The following CHSY3 variants were observed in gnomAD, a reference collection of about 807,000 sequenced individuals.
CHSY3 encodes the protein N-acetylgalactosaminyl-proteoglycan 3-beta-glucuronosyltransferase 3.
Under a neutral mutation model 67.2 loss-of-function variants are expected in CHSY3, and 35 were observed. That is an observed-to-expected ratio of 0.52 (90% CI 0.40 to 0.69). The LOEUF (loss-of-function observed/expected upper bound fraction) is 0.69, where lower values mean the gene tolerates loss of function less well. Ranked by LOEUF, CHSY3 falls within the 30% of genes least tolerant of loss-of-function variation. CHSY3 has a pLI of 0.00. For synonymous variants in CHSY3, 474 were observed against 434.7 expected, an observed-to-expected ratio of 1.09 and a Z score of -1.12; for missense variants, 1,069 against 1,138.5, an observed-to-expected ratio of 0.94 and a Z score of 0.88.
chr5:129,978,816 A>G (rs1580606818), intron 2 of CHSY3, among the ~76,000 whole-genome samples: 1 of 152,298 alleles, frequency 6.6e-6, no homozygotes, highest in East Asian at 1.9e-4. Context: ...ATTTTTCCAG[A>G]TACTTAGCTT....
At chr5:130,097,104 G>A (rs895561528) in intron 2 of CHSY3, among the ~76,000 whole-genome samples, 3 of 152,240 alleles carry the variant, frequency 2.0e-5, no homozygotes, top group African/African-American at 7.2e-5. Flanking sequence ...AATTTTGCTA[G>A]GAGATTAATA....
chr5:130,030,704 G>A (rs899213175), intron 2 of CHSY3, among the ~76,000 whole-genome samples: 5 of 151,978 alleles, frequency 3.3e-5, no homozygotes, highest in African/African-American at 1.2e-4. Context: ...TATTATCTGA[G>A]ACCTAATCCC....
chr5:130,132,768 C>A lies in CHSY3; in HGVS notation c.1087-51461C>A, dbSNP rs577033560. 7.2e-5 allele frequency among the ~76,000 whole-genome samples: 11 copies of A among 152,222 alleles called. No individual in the cohort carries two copies. The South Asian group carries it at 2.3e-3, about 32-fold the overall frequency. ...ATTTATTATTGTCATAATTGGGGGACTCCTAGTCAGTAGAAGCCAGAAATG... is the reference window on the plus strand; with the variant it reads ...ATTTATTATTGTCATAATTGGGGGAATCCTAGTCAGTAGAAGCCAGAAATG... On this transcript the variant is annotated intron_variant, in intron 2 of 2. Transcript: ENST00000305031.
At chr5:130,038,602 AG>A (rs926537271) in intron 2 of CHSY3, among the ~76,000 whole-genome samples, 11 of 152,232 alleles carry the variant, frequency 7.2e-5, no homozygotes, top group Admixed American at 2.6e-4. Flanking sequence ...GCTATGAGGT[AG>A]GAAATTCTTT....
intron 2 of CHSY3, among the ~76,000 whole-genome samples, chr5:129,961,643 T>G (rs1314774855): frequency 1.3e-5 from 2 of 151,980 alleles, no homozygotes; most frequent in African/African-American, 2.4e-5. Context: ...TTTTTTTTTC[T>G]TTGAGCATAA....
Position 130,184,858 on chromosome 5 carries a change from CA to C in CHSY3, c.1717del (p.Arg573GlufsTer6). ...AGCAGTTGTTCAGCAAGCCTTTCTT[CA>C]GAGAGACCGAAGAGCTAGATGTCAA... ...LQQLFSKPFF[R>X]ETEELDVNSL... On this transcript the variant is annotated frameshift_variant, in exon 3 of 3. Coordinates refer to ENST00000305031, the MANE Select transcript of CHSY3 (RefSeq NM_175856.5). LOFTEE classifies it high-confidence loss of function. The C allele has an allele frequency of 6.2e-7, 1 of 1,603,230 alleles. No homozygotes were observed. Among genetic ancestry groups the C allele is most frequent in the Non-Finnish European group, 8.5e-7 (1 of 1,170,074 alleles).
intron 2 of CHSY3, among the ~76,000 whole-genome samples, chr5:130,093,873 A>C (rs964195714): frequency 1.3e-5 from 2 of 152,120 alleles, no homozygotes; most frequent in Admixed American, 6.6e-5. Context: ...ATCAGAACAG[A>C]TTTTAATTTT....
intron 2 of CHSY3, among the ~76,000 whole-genome samples, chr5:130,048,091 A>G (rs2149669514): frequency 6.6e-6 from 1 of 152,124 alleles, no homozygotes; most frequent in African/African-American, 2.4e-5. Flanking sequence ...AAATTAGTAG[A>G]ACGAAGTACG....
intron 2 of CHSY3, among the ~76,000 whole-genome samples, chr5:130,087,665 G>A (rs550960901): frequency 1.7e-4 from 26 of 152,188 alleles, no homozygotes; most frequent in East Asian, 1.5e-3. Context: ...TACATGGGAC[G>A]TGAAGGACCT....
intron 2 of CHSY3, among the ~76,000 whole-genome samples, chr5:130,121,049 T>A (rs1184461529): frequency 6.6e-6 from 1 of 152,218 alleles, no homozygotes; most frequent in African/African-American, 2.4e-5. Flanking sequence ...CCGTTTGGGC[T>A]GGCTGTGGCC....
chr5:130,161,883 A>G (rs1403537059), intron 2 of CHSY3, among the ~76,000 whole-genome samples: 1 of 151,886 alleles, frequency 6.6e-6, no homozygotes, highest in African/African-American at 2.4e-5. Context: ...TACTGAAAAT[A>G]TAAAAAATTA....
At chr5:130,070,036 T>C (rs1246791422) in intron 2 of CHSY3, among the ~76,000 whole-genome samples, 2 of 152,018 alleles carry the variant, frequency 1.3e-5, no homozygotes, top group Admixed American at 1.3e-4. Flanking sequence ...TCTTTGATGA[T>C]TATAGAATTA....
At chr5:130,036,814 A>T (rs1470738349) in intron 2 of CHSY3, among the ~76,000 whole-genome samples, 1 of 152,040 alleles carries the variant, frequency 6.6e-6, no homozygotes, top group African/African-American at 2.4e-5. Context: ...TGTTTGTGTT[A>T]TGTGTATTGA....
At chr5:130,166,737 G>T (rs1200180289) in intron 2 of CHSY3, among the ~76,000 whole-genome samples, 1 of 152,140 alleles carries the variant, frequency 6.6e-6, no homozygotes, top group African/African-American at 2.4e-5. Flanking sequence ...ATTTTAATTG[G>T]ATGTTTAGCT....
At chr5:130,146,757 A>T (rs560949621) in intron 2 of CHSY3, among the ~76,000 whole-genome samples, 34 of 151,008 alleles carry the variant, frequency 2.3e-4, no homozygotes, top group Middle Eastern at 3.4e-3. Context: ...GTGCTAATTA[A>T]AAAAAAAGCA....
chr5:130,056,918 C>CT (rs58326964), intron 2 of CHSY3, among the ~76,000 whole-genome samples: 567 of 56,084 alleles, frequency 0.01, 11 homozygotes, highest in African/African-American at 0.012. Flanking sequence ...GCATTTCTTT[C>CT]TTTTTTTTTT....
intron 2 of CHSY3, among the ~76,000 whole-genome samples, chr5:130,011,252 G>C (rs1181828161): frequency 6.6e-6 from 1 of 152,128 alleles, no homozygotes; most frequent in Non-Finnish European, 1.5e-5. Flanking sequence ...AAATCCAGCA[G>C]CACACCAAAA....
Position 129,905,155 on chromosome 5 carries a change from T to C in CHSY3, c.326T>C (p.Leu109Pro). ...AGCCCCTGGCAGCAGCCACCTCCGC[T>C]GCAGCAGCGGCGGCGAGGACGCGAG... ...RSSPWQQPPP[L>P]QQRRRGREPE... Residue 109 changes from leucine (L) to proline (P), a missense_variant, in exon 1 of 3, where the codon CTG (leucine) becomes CCG (proline). Transcript: ENST00000305031. 6.5e-7 allele frequency: 1 copy of C among 1,528,474 alleles called. No individual in the cohort carries two copies. Among genetic ancestry groups the C allele is most frequent in the South Asian group, 1.2e-5 (1 of 82,978 alleles). The allele number at this position is 1,528,474 out of a possible 1,614,324, so 94.7% of individuals were successfully genotyped here. A position where few individuals can be genotyped will look rare whatever the true frequency, so the allele number is the denominator to read the frequency against.
intron 2 of CHSY3, among the ~76,000 whole-genome samples, chr5:130,093,669 A>C (rs1041925143): frequency 1.3e-5 from 2 of 152,130 alleles, no homozygotes; most frequent in African/African-American, 4.8e-5. Context: ...AATCACACAC[A>C]ACTTGCCAGG....
Sources: allele counts gnomAD v4.1 joint callset (sites outside exome capture counted in the v4.1 genomes callset), GRCh38; gene constraint gnomAD v4.1.1; transcripts MANE v1.5; gene names NCBI Gene and HGNC (gene_info 2026-07-23, HGNC 2026-07-21).